The following CREBBP variants were observed in gnomAD, a reference collection of about 807,000 sequenced individuals.
CREBBP encodes the protein CREB binding lysine acetyltransferase.
In CREBBP, 19 loss-of-function variants were observed where a neutral mutation model predicts 265.0. That is an observed-to-expected ratio of 0.07 (90% CI 0.05 to 0.11). The LOEUF is 0.11. Ranked by LOEUF, CREBBP falls within the 10% of genes least tolerant of loss-of-function variation. The pLI, the probability that CREBBP is intolerant of heterozygous loss-of-function variation, is 1.00. For synonymous variants in CREBBP, 1,457 were observed against 1,223.7 expected, an observed-to-expected ratio of 1.19 and a Z score of -3.98; for missense variants, 2,525 against 3,219.0, an observed-to-expected ratio of 0.78 and a Z score of 5.22.
Position 3,731,591 on chromosome 16 carries a change from C to G in CREBBP, c.4891-118G>C. 7.0e-7 allele frequency: 1 copy of G among 1,436,078 alleles called. No homozygotes were observed. The highest frequency in any genetic ancestry group is 9.6e-7 in the Non-Finnish European group (1 of 1,043,012). The allele number at this position is 1,436,078 out of a possible 1,614,324, so 89.0% of individuals were successfully genotyped here. The stretch of plus-strand genomic sequence containing the variant: ...AGGCAGGTGGCTGAGCCTGATGGCC[C>G]TGATGCCTTGGGATGGAACAAAATT... On this transcript the variant is annotated intron_variant, in intron 29 of 30. Transcript: ENST00000262367. The surrounding 1 kb of genome is among the most constrained non-coding windows in gnomAD (Gnocchi z 7.7).
chr16:3,810,527 C>G, intron 3 of CREBBP, 76 bp downstream of exon 3: 1 of 1,536,184 alleles, frequency 6.5e-7, no homozygotes, highest in South Asian at 1.1e-5. Flanking sequence ...TAGACTTTCA[C>G]TGTGAGAATG....
Position 3,874,018 on chromosome 16 carries a change from G to A in CREBBP, c.85+5814C>T, listed in dbSNP as rs117636192. On this transcript the variant is annotated intron_variant, in intron 1 of 30. Coordinates refer to ENST00000262367, the MANE Select transcript of CREBBP (RefSeq NM_004380.3). ...GAAAGGCTCTGGAGTTCTTACTGACGCTCACCTTCTGGTGTCACAGGAAGG... is the reference window on the plus strand; with the variant it reads ...GAAAGGCTCTGGAGTTCTTACTGACACTCACCTTCTGGTGTCACAGGAAGG... 9.7e-3 allele frequency among the ~76,000 whole-genome samples: 1,478 copies of A among 152,198 alleles called. 17 individuals are homozygous for A. Among genetic ancestry groups the A allele is most frequent in the Non-Finnish European group, 0.011 (777 of 67,998 alleles).
intron 1 of CREBBP, among the ~76,000 whole-genome samples, chr16:3,863,786 T>C (rs1349215204): frequency 2.6e-5 from 4 of 152,174 alleles, no homozygotes; most frequent in African/African-American, 9.7e-5. Context: ...GTTTGCGTGC[T>C]GCTTCCCTCA....
At chr16:3,772,915 C>CAAAAAAAAAAAA (rs144154476) in intron 13 of CREBBP, among the ~76,000 whole-genome samples, 43 of 88,556 alleles carry the variant, frequency 4.9e-4, no homozygotes, top group Non-Finnish European at 7.2e-4. Context: ...ACTAAAAATA[C>CAAAAAAAAAAAA]AAAAAAAAAA....
At chr16:3,757,405 T>A in intron 18 of CREBBP, 29 bp from the exon 19 acceptor site, 1 of 1,527,694 alleles carries the variant, frequency 6.5e-7, no homozygotes, top group Non-Finnish European at 9.0e-7. Flanking sequence ...AATACTTTTA[T>A]ATAAAAATAC....
intron 19 of CREBBP, among the ~76,000 whole-genome samples, chr16:3,752,899 A>G (rs919471099): frequency 3.3e-5 from 5 of 152,242 alleles, no homozygotes; most frequent in Non-Finnish European, 7.3e-5. Flanking sequence ...AAACTACTAA[A>G]TGTTTGGAAA....
intron 21 of CREBBP, among the ~76,000 whole-genome samples, chr16:3,747,989 C>G (rs2052383823): frequency 6.6e-6 from 1 of 152,230 alleles, no homozygotes; most frequent in African/African-American, 2.4e-5. Flanking sequence ...ACTCGGGAGG[C>G]TGAGGCAGGA....
intron 2 of CREBBP, among the ~76,000 whole-genome samples, chr16:3,813,609 T>C (rs1273331138): frequency 1.3e-5 from 2 of 152,196 alleles, no homozygotes; most frequent in Non-Finnish European, 2.9e-5. Context: ...ATAGTTTTTT[T>C]TCCCCCAGTT....
chr16:3,788,258 C>T (rs1384285524), intron 5 of CREBBP, among the ~76,000 whole-genome samples: 6 of 152,218 alleles, frequency 3.9e-5, no homozygotes, highest in African/African-American at 1.4e-4. Flanking sequence ...TCCAAGGCAT[C>T]CAGAGCAGTG....
At chr16:3,758,308 ACTT>A (rs1431403902) in intron 17 of CREBBP, among the ~76,000 whole-genome samples, 1 of 152,224 alleles carries the variant, frequency 6.6e-6, no homozygotes, top group Non-Finnish European at 1.5e-5. Flanking sequence ...GTTAAAAGAT[ACTT>A]CTAACAAAAA....
intron 2 of CREBBP, among the ~76,000 whole-genome samples, chr16:3,830,007 ATAAAC>A (rs1468614293): frequency 1.3e-5 from 2 of 152,332 alleles, no homozygotes; most frequent in South Asian, 4.1e-4. Context: ...TTAAATATAA[ATAAAC>A]TAAACACTAC....
At chr16:3,857,666 G>A (rs1423880049) in intron 1 of CREBBP, among the ~76,000 whole-genome samples, 1 of 152,140 alleles carries the variant, frequency 6.6e-6, no homozygotes, top group Non-Finnish European at 1.5e-5. Context: ...CAGGGGGCCC[G>A]GGAGAATGCA....
chr16:3,872,010 T>C (rs936805309), intron 1 of CREBBP, among the ~76,000 whole-genome samples: 1 of 152,222 alleles, frequency 6.6e-6, no homozygotes, highest in Admixed American at 6.5e-5. Flanking sequence ...TTAGCAATGG[T>C]TCAACTAAAC....
intron 2 of CREBBP, among the ~76,000 whole-genome samples, chr16:3,838,316 G>C (rs1012937140): frequency 6.6e-6 from 1 of 152,106 alleles, no homozygotes; most frequent in African/African-American, 2.4e-5. Flanking sequence ...ATATAGCCTA[G>C]GTGTGTAACA....
At chr16:3,878,302 T>C (rs897391677) in intron 1 of CREBBP, among the ~76,000 whole-genome samples, 20 of 152,262 alleles carry the variant, frequency 1.3e-4, no homozygotes, top group Admixed American at 1.0e-3. Flanking sequence ...TTTAAACTAC[T>C]GTTTCCAAAT....
chr16:3,804,073 C>T (rs1048102142), intron 3 of CREBBP, among the ~76,000 whole-genome samples: 1 of 150,978 alleles, frequency 6.6e-6, no homozygotes, highest in Admixed American at 6.6e-5. Context: ...GACAGTGAGA[C>T]CCCAGCTTAA....
intron 1 of CREBBP, among the ~76,000 whole-genome samples, chr16:3,863,721 T>C (rs929761046): frequency 1.3e-5 from 2 of 152,164 alleles, no homozygotes; most frequent in Admixed American, 6.5e-5. Flanking sequence ...CACTTAGCAG[T>C]CACAGGGAAG....
At chr16:3,865,947 T>G (rs2055171125) in intron 1 of CREBBP, among the ~76,000 whole-genome samples, 1 of 151,978 alleles carries the variant, frequency 6.6e-6, no homozygotes, top group South Asian at 2.1e-4. Context: ...AGAAACTGAT[T>G]TTTTTTTAAG....
intron 23 of CREBBP, chr16:3,741,300 G>A (rs971514373): frequency 2.0e-5 from 3 of 152,344 alleles, no homozygotes; most frequent in Admixed American, 2.0e-4. Context: ...TAGTGATTAC[G>A]TATAGACAAT....
Sources: gnomAD v4.1 joint callset for allele counts (sites outside exome capture counted in the v4.1 genomes callset) on GRCh38, gnomAD v4.1.1 for gene constraint, Gnocchi (gnomAD v3.1) non-coding constraint, MANE v1.5 for transcripts, NCBI Gene and HGNC (gene_info 2026-07-23, HGNC 2026-07-21) for gene names.